The following PDZD2 variants were observed in gnomAD, a reference collection of about 807,000 sequenced individuals.
The protein encoded by PDZD2 is PDZ domain containing 2.
PDZD2 carries 90 observed loss-of-function variants against 220.7 expected under a neutral mutation model. The ratio of observed to expected loss-of-function variants is 0.41; its 90% CI spans 0.34 to 0.49. The LOEUF is 0.49. PDZD2 is among the 20% of genes least tolerant of loss of function. The probability of loss-of-function intolerance (pLI) is 0.28; values close to 1 mark genes in which losing one functional copy is unlikely to be tolerated. For missense variants in PDZD2, 3,174 were observed against 3,608.5 expected, an observed-to-expected ratio of 0.88 and a Z score of 3.08; for synonymous variants, 1,375 against 1,450.5, an observed-to-expected ratio of 0.95 and a Z score of 1.18.
rs1401600794 is a variant in PDZD2 at position 31,763,870 on chromosome 5, T to TTAAAAAAAA, written c.-360-35019_-360-35018insTAAAAAAAA. Among the ~76,000 whole-genome samples the TTAAAAAAAA allele has an allele frequency of 2.5e-3, 337 of 137,530 alleles. 3 individuals carry two copies. The highest frequency in any genetic ancestry group is 8.6e-3 in the African/African-American group (319 of 37,076). 90.2% of individuals were successfully genotyped at this position (137,530 alleles called of 152,430 possible). ...AAAGGAGAGGAGGGAGCCCTCTGAT[T>TTAAAAAAAA]AAAAAAAAAAAAAAAAAAGTCATAG... On this transcript the variant is annotated intron_variant, in intron 1 of 24. Transcript: ENST00000438447.
chr5:31,770,952 G>A (rs1580722467), intron 1 of PDZD2, among the ~76,000 whole-genome samples: 1 of 152,058 alleles, frequency 6.6e-6, no homozygotes, highest in East Asian at 1.9e-4. Context: ...TCTTGAAAAT[G>A]TGTGTGCTTT....
intron 2 of PDZD2, among the ~76,000 whole-genome samples, chr5:31,963,904 G>A (rs1052513794): frequency 2.6e-5 from 4 of 152,096 alleles, no homozygotes; most frequent in Admixed American, 1.3e-4. Context: ...ATGCCATGAT[G>A]TAGGCCCACC....
chr5:31,890,709 T>A (rs1285830605), intron 2 of PDZD2, among the ~76,000 whole-genome samples: 1 of 152,162 alleles, frequency 6.6e-6, no homozygotes, highest in Admixed American at 6.5e-5. Context: ...TCAAACAGGC[T>A]TAATGAGTGG....
At chr5:31,842,382 A>G (rs1757362353) in intron 2 of PDZD2, among the ~76,000 whole-genome samples, 1 of 152,220 alleles carries the variant, frequency 6.6e-6, no homozygotes, top group South Asian at 2.1e-4. Flanking sequence ...AGGAGGGCTG[A>G]GATCTAAATC....
At chr5:31,750,960 G>GGGCC (rs149284383) in intron 1 of PDZD2, among the ~76,000 whole-genome samples, 2,089 of 152,104 alleles carry the variant, frequency 0.014, 56 homozygotes, top group African/African-American at 0.048. Flanking sequence ...AGAGAAGCAT[G>GGGCC]GGCCAGGCAC....
intron 2 of PDZD2, among the ~76,000 whole-genome samples, chr5:31,977,043 A>G (rs991538555): frequency 2.0e-5 from 3 of 147,490 alleles, no homozygotes; most frequent in African/African-American, 7.6e-5. Context: ...TTTAAAGTAG[A>G]GACAGCTTCC....
chr5:31,911,842 C>A (rs556919181), intron 2 of PDZD2, among the ~76,000 whole-genome samples: 2 of 152,322 alleles, frequency 1.3e-5, no homozygotes, highest in African/African-American at 4.8e-5. Flanking sequence ...CTCAGAAGGC[C>A]TGGATCACAA....
At chr5:31,645,052 G>C (rs1385732064) in intron 1 of PDZD2, among the ~76,000 whole-genome samples, 2 of 152,116 alleles carry the variant, frequency 1.3e-5, no homozygotes, top group Admixed American at 6.6e-5. Context: ...TGTCTTTTAA[G>C]TCTAAGAAGC....
At chr5:31,717,867 C>G (rs1748547985) in intron 1 of PDZD2, among the ~76,000 whole-genome samples, 1 of 152,288 alleles carries the variant, frequency 6.6e-6, no homozygotes, top group Non-Finnish European at 1.5e-5. Context: ...TCTGTCGTCC[C>G]TGGAAACCAC....
chr5:31,855,025 G>T (rs999474439), intron 2 of PDZD2: 51 of 985,140 alleles, frequency 5.2e-5, no homozygotes, highest in Non-Finnish European at 6.1e-5. Flanking sequence ...CCCCCGGGCC[G>T]CCTGCAGGTG....
intron 2 of PDZD2, among the ~76,000 whole-genome samples, chr5:31,834,173 G>A (rs1288957021): frequency 6.6e-6 from 1 of 152,138 alleles, no homozygotes. Context: ...AACCAAAAAG[G>A]GTTCCCCTAC....
intron 5 of PDZD2, among the ~76,000 whole-genome samples, chr5:32,002,692 AC>A (rs1752266916): frequency 4.9e-5 from 6 of 121,266 alleles, no homozygotes; most frequent in Admixed American, 8.4e-5. Flanking sequence ...AACACACACC[AC>A]ACACACCACC....
At chr5:31,945,166 G>A (rs372802754) in intron 2 of PDZD2, among the ~76,000 whole-genome samples, 32 of 152,122 alleles carry the variant, frequency 2.1e-4, no homozygotes, top group African/African-American at 7.0e-4. Context: ...CCAGAACCCC[G>A]AGATCTGACC....
At chr5:31,922,765 C>G (rs1031584891) in intron 2 of PDZD2, among the ~76,000 whole-genome samples, 1 of 152,078 alleles carries the variant, frequency 6.6e-6, no homozygotes, top group South Asian at 2.1e-4. Context: ...GCCCCGCCCC[C>G]CCCTCCGGGC....
chr5:31,782,533 G>C (rs775158363), intron 1 of PDZD2, among the ~76,000 whole-genome samples: 1 of 151,702 alleles, frequency 6.6e-6, no homozygotes, highest in Non-Finnish European at 1.5e-5. Flanking sequence ...TAGTTTCCAG[G>C]ACCATGTTAT....
At chr5:31,808,904 G>T (rs1580798499) in intron 2 of PDZD2, among the ~76,000 whole-genome samples, 1 of 150,968 alleles carries the variant, frequency 6.6e-6, no homozygotes, top group African/African-American at 2.4e-5. Context: ...CGCTTGAACT[G>T]GGAGGCGGAG....
intron 2 of PDZD2, chr5:31,820,446 GT>G (rs1430517378): frequency 6.6e-6 from 1 of 152,192 alleles, no homozygotes; most frequent in Non-Finnish European, 1.5e-5. Flanking sequence ...TTATTAAGTG[GT>G]CTTGATAGGT....
intron 2 of PDZD2, among the ~76,000 whole-genome samples, chr5:31,944,654 G>A (rs904763752): frequency 6.6e-6 from 1 of 152,248 alleles, no homozygotes; most frequent in Non-Finnish European, 1.5e-5. Flanking sequence ...AGATCCCAGA[G>A]TAACTGCCCT....
At chr5:31,901,969 A>G (rs1469030307) in intron 2 of PDZD2, among the ~76,000 whole-genome samples, 3 of 152,180 alleles carry the variant, frequency 2.0e-5, no homozygotes, top group East Asian at 1.9e-4. Context: ...TGGTAGTCCA[A>G]TGTTATCTAT....
Sources: gnomAD v4.1 joint callset for allele counts (sites outside exome capture counted in the v4.1 genomes callset) on GRCh38, gnomAD v4.1.1 for gene constraint, MANE v1.5 for transcripts, NCBI Gene and HGNC (gene_info 2026-07-23, HGNC 2026-07-21) for gene names.